The following PPARA variants were observed in gnomAD, a reference collection of about 807,000 sequenced individuals.
PPARA encodes peroxisome proliferator activated receptor alpha, also known as peroxisome proliferator-activated receptor alpha.
A neutral mutation model predicts 42.2 loss-of-function variants in PPARA; 22 were observed. That is an observed-to-expected ratio of 0.52 (90% CI 0.37 to 0.74). The LOEUF is 0.74. Ranked by LOEUF, PPARA falls within the 30% of genes least tolerant of loss-of-function variation. The pLI is 0.00. For synonymous variants in PPARA, 242 were observed against 239.3 expected (o/e 1.01, Z -0.10); for missense variants, 465 against 608.2 (o/e 0.76, Z 2.48).
At chr22:46,181,593 C>G (rs11703746) in intron 3 of PPARA, among the ~76,000 whole-genome samples, 1 of 152,060 alleles carries the variant, frequency 6.6e-6, no homozygotes, top group Non-Finnish European at 1.5e-5. Context: ...AGTTGTCCCC[C>G]CCAAAGATTG....
chr22:46,237,028 A>G lies in PPARA; in HGVS notation c.*1648A>G, dbSNP rs1167849742. 5 of 152,112 alleles carry G rather than the reference A, an allele frequency of 3.3e-5. No individual in the cohort carries two copies. Among genetic ancestry groups the G allele is most frequent in the African/African-American group, 1.2e-4 (5 of 41,402 alleles). 9.4% of individuals were successfully genotyped at this position (152,112 alleles called of 1,614,324 possible). A position where few individuals can be genotyped will look rare whatever the true frequency, so the allele number is the denominator to read the frequency against. On this transcript the variant is annotated 3_prime_UTR_variant, in exon 9 of 9. Coordinates refer to ENST00000407236, the MANE Select transcript of PPARA (RefSeq NM_005036.6). This position sits in a 1 kb window ranked among gnomAD's most constrained non-coding sequence, Gnocchi z 6.7. ...TGGTAGATAAATTGTCCTGTTGAGAATTTTTAGATCTGGACTGGAACTGCC... is the reference window on the plus strand; with the variant it reads ...TGGTAGATAAATTGTCCTGTTGAGAGTTTTTAGATCTGGACTGGAACTGCC...
intron 4 of PPARA, among the ~76,000 whole-genome samples, chr22:46,213,941 T>C (rs1368071918): frequency 6.6e-6 from 1 of 152,198 alleles, no homozygotes; most frequent in Non-Finnish European, 1.5e-5. Flanking sequence ...TATTACCACA[T>C]GTGTATTGAA....
At chr22:46,181,628 CCTT>C (rs1397850560) in intron 3 of PPARA, among the ~76,000 whole-genome samples, 1 of 152,124 alleles carries the variant, frequency 6.6e-6, no homozygotes, top group Non-Finnish European at 1.5e-5. Context: ...AGTGGAATGG[CCTT>C]CTTTTAATGT....
chr22:46,153,418 C>G (rs1924782760), intron 2 of PPARA, among the ~76,000 whole-genome samples: 1 of 152,032 alleles, frequency 6.6e-6, no homozygotes, highest in African/African-American at 2.4e-5. Context: ...AACCGCCTGC[C>G]TTGGCCTCCC....
chr22:46,181,519 C>G (rs948755002), intron 3 of PPARA, among the ~76,000 whole-genome samples: 1 of 152,140 alleles, frequency 6.6e-6, no homozygotes, highest in Non-Finnish European at 1.5e-5. Flanking sequence ...AGCATCGAAA[C>G]CCACTCCTCT....
In PPARA at chr22:46,177,006, T is replaced by G. The variant is rs4253665; in HGVS notation, c.-43+170T>G. ...CGGGCAGATCACGAGGTTAGGAGAT[T>G]GAGACCATCCTGGCTAACACAGTGA... On this transcript the variant is annotated intron_variant, in intron 3 of 8. Coordinates refer to ENST00000407236, the MANE Select transcript of PPARA (RefSeq NM_005036.6). Among the ~76,000 whole-genome samples the G allele has an allele frequency of 2.0e-3, 308 of 152,246 alleles. 1 individual carries two copies. Among genetic ancestry groups the G allele is most frequent in the East Asian group, 0.01 (53 of 5,176 alleles).
rs879798936 is a variant in PPARA, at chr22:46,223,667, G to C, written c.711+3653G>C. On this transcript the variant is annotated intron_variant, in intron 7 of 8. Coordinates refer to ENST00000407236, the MANE Select transcript of PPARA (RefSeq NM_005036.6). Reference sequence around the variant, plus strand: ...CAAAAAAAAAAAAAAAAGAGGGCCAGGCGTGGTTGCTCATGCTTATGCCTG... The same window carrying C: ...CAAAAAAAAAAAAAAAAGAGGGCCACGCGTGGTTGCTCATGCTTATGCCTG... Among the ~76,000 whole-genome samples, 9 of 146,004 alleles carry C rather than the reference G, an allele frequency of 6.2e-5. No homozygotes were observed. The East Asian group carries it at 8.0e-4, about 13-fold the overall frequency.
rs532101457 is a variant in PPARA, at chr22:46,192,380, C to T, written c.-42-5962C>T. 2.6e-5 allele frequency among the ~76,000 whole-genome samples: 4 copies of T among 152,272 alleles called. No homozygotes were observed. Among genetic ancestry groups the T allele is most frequent in the African/African-American group, 4.8e-5 (2 of 41,558 alleles). On this transcript the variant is annotated intron_variant, in intron 3 of 8. Transcript: ENST00000407236. This position sits in a 1 kb window ranked among gnomAD's most constrained non-coding sequence, Gnocchi z 4.3. ...TAAGAGCAGGTGATGCAGAAAATAC[C>T]CTCGTGTTAGTTATGAATTACCGTT...
intron 4 of PPARA, among the ~76,000 whole-genome samples, chr22:46,210,921 T>C (rs1303179061): frequency 6.6e-6 from 1 of 152,208 alleles, no homozygotes; most frequent in Non-Finnish European, 1.5e-5. Context: ...GTGTTTGTTT[T>C]AGAGATAACT....
intron 7 of PPARA, chr22:46,220,513 T>G (rs1227151435): frequency 5.1e-6 from 1 of 195,574 alleles, no homozygotes; most frequent in Non-Finnish European, 1.1e-5. Flanking sequence ...GTTTTGTTTT[T>G]GTTTTTTGGT....
intron 2 of PPARA, among the ~76,000 whole-genome samples, chr22:46,174,186 AAGAAAGAGAGAG>A (rs1569196590): frequency 2.1e-5 from 2 of 96,374 alleles, no homozygotes; most frequent in African/African-American, 5.7e-5. Flanking sequence ...TGAAAGAAGG[AAGAAAGAGAGAG>A]AGAGAGAGAG....
At position 46,166,851 on chromosome 22, in the gene PPARA, G is replaced by A. The variant is rs574193647; in HGVS notation, c.-126-9902G>A. On this transcript the variant is annotated intron_variant, in intron 2 of 8. Transcript: ENST00000407236. ...TCAAAGCAATCGGAATCAGACCTCA[G>A]CATGCCTACTTGTAGAATTTGATAA... Among the ~76,000 whole-genome samples, 8 of 152,240 alleles carry A rather than the reference G, an allele frequency of 5.3e-5. No homozygotes were observed. In the South Asian group the frequency reaches 1.7e-3, roughly 32 times the overall value.
At chr22:46,213,116 G>T (rs916160457) in intron 4 of PPARA, among the ~76,000 whole-genome samples, 36 of 152,150 alleles carry the variant, frequency 2.4e-4, no homozygotes, top group African/African-American at 8.4e-4. Flanking sequence ...GCTTTGCTTT[G>T]TCAGAAACTG....
chr22:46,181,589 C>T (rs1265572947), intron 3 of PPARA, among the ~76,000 whole-genome samples: 1 of 151,976 alleles, frequency 6.6e-6, no homozygotes, highest in African/African-American at 2.4e-5. Context: ...ATTAAGTTGT[C>T]CCCCCCAAAG....
chr22:46,228,830 C>T (rs1203065686), intron 7 of PPARA, among the ~76,000 whole-genome samples: 2 of 151,900 alleles, frequency 1.3e-5, no homozygotes, highest in South Asian at 2.1e-4. Context: ...ATTGGCTGGG[C>T]GTGGTGGCTC....
chr22:46,157,184 C>T (rs1420139444), intron 2 of PPARA, among the ~76,000 whole-genome samples: 2 of 152,114 alleles, frequency 1.3e-5, no homozygotes, highest in Admixed American at 1.3e-4. Flanking sequence ...CCCCGCTAGC[C>T]GTGTAAACTG....
intron 7 of PPARA, among the ~76,000 whole-genome samples, chr22:46,223,822 C>T (rs576246030): frequency 1.0e-4 from 15 of 150,368 alleles, no homozygotes; most frequent in African/African-American, 3.4e-4. Context: ...TGGCAGTGTG[C>T]GCCTGTAGTC....
In PPARA at chr22:46,174,973, G is replaced by A. The variant is rs148727445; in HGVS notation, c.-126-1780G>A. On this transcript the variant is annotated intron_variant, in intron 2 of 8. Transcript: ENST00000407236. ...GTCACCCAGGCTGGAGTGTACTGGT[G>A]CAATCTCAGGTGACTGCAACCTCTG... Among the ~76,000 whole-genome samples the A allele has an allele frequency of 8.1e-4, 123 of 151,378 alleles. 2 individuals are homozygous for A. The highest frequency in any genetic ancestry group is 2.8e-3 in the African/African-American group (115 of 41,162).
intron 2 of PPARA, among the ~76,000 whole-genome samples, chr22:46,172,858 C>T (rs1256295412): frequency 6.6e-6 from 1 of 152,176 alleles, no homozygotes; most frequent in East Asian, 1.9e-4. Flanking sequence ...CCATGAGGGA[C>T]AATCCCATAG....
Sources: gnomAD v4.1 joint callset for allele counts (sites outside exome capture counted in the v4.1 genomes callset) on GRCh38, gnomAD v4.1.1 for gene constraint, Gnocchi (gnomAD v3.1) non-coding constraint, MANE v1.5 for transcripts, NCBI Gene and HGNC (gene_info 2026-07-23, HGNC 2026-07-21) for gene names.